Variants in RUBCN observed in about 807,000 individuals in gnomAD.
The protein encoded by RUBCN is rubicon autophagy regulator.
In RUBCN, 74 loss-of-function variants were observed where a neutral mutation model predicts 113.2. The ratio of observed to expected loss-of-function variants is 0.65; its 90% CI spans 0.54 to 0.79. The LOEUF (loss-of-function observed/expected upper bound fraction) is 0.79. RUBCN is among the 30% of genes least tolerant of loss of function. The pLI is 0.00. For synonymous variants in RUBCN, 480 were observed against 490.0 expected (o/e 0.98, Z 0.27); for missense variants, 1,109 against 1,251.7 (o/e 0.89, Z 1.72).
chr3:197,711,878 C>T (rs1432339645), intron 2 of RUBCN, among the ~76,000 whole-genome samples: 1 of 151,716 alleles, frequency 6.6e-6, no homozygotes, highest in Non-Finnish European at 1.5e-5. Flanking sequence ...TTTTTTAAAA[C>T]ACATAAATAC....
intron 4 of RUBCN, among the ~76,000 whole-genome samples, chr3:197,703,932 A>G (rs1312499527): frequency 6.6e-6 from 1 of 152,170 alleles, no homozygotes; most frequent in African/African-American, 2.4e-5. Context: ...CAGTAGCACC[A>G]ATGCCCAACT....
At chr3:197,717,371 G>C (rs1395593622) in intron 2 of RUBCN, among the ~76,000 whole-genome samples, 1 of 151,756 alleles carries the variant, frequency 6.6e-6, no homozygotes, top group Non-Finnish European at 1.5e-5. Flanking sequence ...GTGAACCCGG[G>C]AGGCGGAGCT....
chr3:197,721,789 ACT>A (rs917485789), intron 1 of RUBCN, among the ~76,000 whole-genome samples: 22 of 152,064 alleles, frequency 1.4e-4, no homozygotes, highest in Admixed American at 1.4e-3. Flanking sequence ...TTGTGTTTCC[ACT>A]GTCATTTGTC....
chr3:197,749,784 C>G, upstream of RUBCN: 1 of 539,856 alleles, frequency 1.9e-6, no homozygotes, highest in Non-Finnish European at 3.4e-6. Context: ...CGAGTCACGG[C>G]GCGGGGCCGC....
chr3:197,748,118 A>T (rs1849518), intron 1 of RUBCN: 120,598 of 151,678 alleles, frequency 0.8, 49,045 homozygotes, highest in East Asian at 0.91. Context: ...TTTTTTATTT[A>T]TTTTTATTTT....
At chr3:197,693,110 T>C (rs199968849) in intron 11 of RUBCN, among the ~76,000 whole-genome samples, 1 of 152,096 alleles carries the variant, frequency 6.6e-6, no homozygotes, top group East Asian at 1.9e-4. Context: ...TTTGCAGGAG[T>C]GGGACATTAA....
At chr3:197,688,601 G>C (rs991771764) in intron 11 of RUBCN, among the ~76,000 whole-genome samples, 1 of 152,124 alleles carries the variant, frequency 6.6e-6, no homozygotes, top group Non-Finnish European at 1.5e-5. Context: ...ATCTACAAAG[G>C]AAGATAAAGA....
chr3:197,703,628 G>T lies in RUBCN; in HGVS notation c.490C>A (p.His164Asn). ...TDAAFLLSDA[H>N]VTAMLQCLEA... ...AGGCACTGCAGCATGGCCGTGACAT[G>T]AGCGTCACTTAGCAGGAAGGCAGCA... is the stretch of plus-strand genomic sequence containing the variant. The change falls in exon 5 of 20, where the codon CAT (histidine) becomes AAT (asparagine). Residue 164 changes from histidine to asparagine, a missense_variant. Physicochemically the swap from His to Asn is moderately conservative, Grantham distance 68. This residue lies in a region of RUBCN where 736 missense variants were observed against 779.6 expected (regional missense o/e 0.94). Transcript: ENST00000296343. The T allele has an allele frequency of 6.2e-7, 1 of 1,613,746 alleles. No homozygotes were observed. The highest frequency in any genetic ancestry group is 8.5e-7 in the Non-Finnish European group (1 of 1,179,800).
At chr3:197,696,589 C>T (rs1723027762) in intron 8 of RUBCN, among the ~76,000 whole-genome samples, 1 of 149,320 alleles carries the variant, frequency 6.7e-6, no homozygotes, top group African/African-American at 2.5e-5. Context: ...CAAATGGCTT[C>T]CTCCTCTGCA....
At position 197,675,347 on chromosome 3, in the gene RUBCN, TA is replaced by T; in HGVS notation, c.2740+74del. Reference sequence around the variant, plus strand: ...GTGCTGAGTGGCACCGAACTCTTGCTAACAGGGGTGGCTCTGGGGAATCAAG... The same window carrying T: ...GTGCTGAGTGGCACCGAACTCTTGCTACAGGGGTGGCTCTGGGGAATCAAG... On this transcript the variant is annotated intron_variant, in intron 19 of 19. Transcript: ENST00000296343. The surrounding 1 kb of genome is among the most constrained non-coding windows in gnomAD (Gnocchi z 4.4). 13 of 1,520,112 alleles carry T rather than the reference TA, an allele frequency of 8.6e-6. No individual in the cohort carries two copies. Among genetic ancestry groups the T allele is most frequent in the Non-Finnish European group, 1.2e-5 (13 of 1,096,838 alleles). 94.2% of individuals were successfully genotyped at this position (1,520,112 alleles called of 1,614,324 possible). A position where few individuals can be genotyped will look rare whatever the true frequency, so the allele number is the denominator to read the frequency against.
chr3:197,705,069 A>G, intron 3 of RUBCN, 23 bp downstream of exon 3: 1 of 1,594,094 alleles, frequency 6.3e-7, no homozygotes, highest in South Asian at 1.1e-5. Flanking sequence ...CTGCCAGCAC[A>G]GCCGCTCTGC....
At position 197,711,134 on chromosome 3, in the gene RUBCN, A is replaced by G. The variant is rs562604907; in HGVS notation, c.220-5959T>C. On this transcript the variant is annotated intron_variant, in intron 2 of 19. Transcript: ENST00000296343. ...CCACCACGCCTGGCCTCTGGTGAGG[A>G]TATTTATATACATAACTTCCTGGAG... 2.0e-5 allele frequency among the ~76,000 whole-genome samples: 3 copies of G among 152,358 alleles called. No individual in the cohort carries two copies. The East Asian group carries it at 5.8e-4, about 29-fold the overall frequency.
At chr3:197,704,790 A>G in intron 3 of RUBCN, 89 bp from the exon 4 acceptor site, 1 of 1,362,304 alleles carries the variant, frequency 7.3e-7, no homozygotes, top group Non-Finnish European at 1.0e-6. Context: ...AAATTGAGAC[A>G]GGTAAGGGAA....
intron 7 of RUBCN, among the ~76,000 whole-genome samples, chr3:197,698,403 T>C (rs1169284022): frequency 2.0e-5 from 3 of 152,116 alleles, no homozygotes; most frequent in African/African-American, 7.2e-5. Flanking sequence ...TGAATTATGG[T>C]ACCCAGGATG....
intron 1 of RUBCN, among the ~76,000 whole-genome samples, chr3:197,729,303 AG>A (rs1422582720): frequency 3.3e-5 from 5 of 152,012 alleles, no homozygotes; most frequent in African/African-American, 1.2e-4. Context: ...CCCAGCCTGG[AG>A]TGCAGCGGCG....
At chr3:197,731,286 T>G (rs529146812) in intron 1 of RUBCN, among the ~76,000 whole-genome samples, 1 of 149,526 alleles carries the variant, frequency 6.7e-6, no homozygotes, top group Non-Finnish European at 1.5e-5. Flanking sequence ...ATACAGCACA[T>G]GTTTCAGAGA....
chr3:197,696,742 G>A (rs28416785), intron 8 of RUBCN, among the ~76,000 whole-genome samples: 149 of 145,008 alleles, frequency 1.0e-3, no homozygotes, highest in African/African-American at 3.7e-3. Context: ...ACGTAAGAGA[G>A]GGTGGGACCC....
At chr3:197,734,291 C>T (rs1051365271) in intron 1 of RUBCN, among the ~76,000 whole-genome samples, 13 of 150,848 alleles carry the variant, frequency 8.6e-5, no homozygotes, top group African/African-American at 2.7e-4. Context: ...TCTCTTGGGC[C>T]GGCATGGTCG....
Position 197,675,345 on chromosome 3 carries a change from GCTAACAGGGGTGGCT to G in RUBCN, c.2740+62_2740+76del. 6.6e-7 allele frequency: 1 copy of G among 1,514,520 alleles called. No individual in the cohort carries two copies. The allele number at this position is 1,514,520 out of a possible 1,614,324, so 93.8% of individuals were successfully genotyped here. ...AGGTGCTGAGTGGCACCGAACTCTTGCTAACAGGGGTGGCTCTGGGGAATCAAGGAGCCCTGTGTT... is the reference window on the plus strand; with the variant it reads ...AGGTGCTGAGTGGCACCGAACTCTTGCTGGGGAATCAAGGAGCCCTGTGTT... On this transcript the variant is annotated intron_variant, in intron 19 of 19. Transcript: ENST00000296343. The surrounding 1 kb of genome is among the most constrained non-coding windows in gnomAD (Gnocchi z 4.4).
Sources: allele counts gnomAD v4.1 joint callset (sites outside exome capture counted in the v4.1 genomes callset), GRCh38; gene constraint gnomAD v4.1.1; regional missense constraint gnomAD v4.1.1; non-coding constraint Gnocchi (gnomAD v3.1); transcripts MANE v1.5; gene names NCBI Gene and HGNC (gene_info 2026-07-23, HGNC 2026-07-21).